NPAS3: variants seen among roughly 807,000 people sequenced by gnomAD.
NPAS3 encodes the protein neuronal PAS domain-containing protein 3.
In NPAS3, 14 loss-of-function variants were observed where a neutral mutation model predicts 73.1. The ratio of observed to expected loss-of-function variants is 0.19; its 90% CI spans 0.13 to 0.30. NPAS3 has a LOEUF of 0.30. Among genes scored for constraint, NPAS3 ranks in the 10% least tolerant of loss-of-function variants. The pLI, the probability that NPAS3 is intolerant of heterozygous loss-of-function variation, is 1.00. For synonymous variants in NPAS3, 620 were observed against 541.5 expected (o/e 1.14, Z -2.01); for missense variants, 1,096 against 1,250.0 (o/e 0.88, Z 1.86).
At chr14:33,587,484 A>G (rs369931291) in intron 5 of NPAS3, among the ~76,000 whole-genome samples, 29 of 152,296 alleles carry the variant, frequency 1.9e-4, no homozygotes, top group Admixed American at 1.2e-3. Context: ...TGCTTCATCT[A>G]TAACATGGGA....
intron 4 of NPAS3, among the ~76,000 whole-genome samples, chr14:33,379,467 C>T (rs2046447266): frequency 6.6e-6 from 1 of 152,096 alleles, no homozygotes; most frequent in Non-Finnish European, 1.5e-5. Context: ...AAATCTTTGC[C>T]AGATTACTGT....
chr14:33,025,814 C>T (rs940964324), intron 1 of NPAS3, among the ~76,000 whole-genome samples: 1 of 152,096 alleles, frequency 6.6e-6, no homozygotes, highest in African/African-American at 2.4e-5. Flanking sequence ...TTTCCTGAGG[C>T]CTCCCCAGAA....
chr14:32,973,958 G>A (rs1052713881), intron 1 of NPAS3, among the ~76,000 whole-genome samples: 4 of 152,170 alleles, frequency 2.6e-5, no homozygotes, highest in African/African-American at 9.7e-5. Context: ...TTCATTTTCT[G>A]TATAAAACTA....
At chr14:33,237,826 A>C (rs2048087381) in intron 3 of NPAS3, among the ~76,000 whole-genome samples, 1 of 151,898 alleles carries the variant, frequency 6.6e-6, no homozygotes, top group South Asian at 2.1e-4. Flanking sequence ...AAGTATATTA[A>C]AATATTTGAA....
At chr14:33,475,976 G>A (rs2051014154) in intron 4 of NPAS3, among the ~76,000 whole-genome samples, 2 of 152,192 alleles carry the variant, frequency 1.3e-5, no homozygotes, top group Admixed American at 1.3e-4. Context: ...CCCGTTTGAT[G>A]AGAAACTACG....
intron 1 of NPAS3, among the ~76,000 whole-genome samples, chr14:33,047,375 C>A (rs2040546211): frequency 6.6e-6 from 1 of 152,142 alleles, no homozygotes; most frequent in Non-Finnish European, 1.5e-5. Flanking sequence ...TGCTGCCATC[C>A]TTTCCTCCTC....
intron 4 of NPAS3, among the ~76,000 whole-genome samples, chr14:33,383,443 T>C (rs1055689560): frequency 6.6e-6 from 1 of 152,200 alleles, no homozygotes; most frequent in Admixed American, 6.5e-5. Context: ...AGAAGACATT[T>C]ACATGCTGGG....
chr14:33,621,543 A>G (rs1028621833), intron 5 of NPAS3, among the ~76,000 whole-genome samples: 5 of 152,188 alleles, frequency 3.3e-5, no homozygotes, highest in Admixed American at 2.0e-4. Context: ...AACTATCTCC[A>G]TACCCCCACT....
intron 5 of NPAS3, among the ~76,000 whole-genome samples, chr14:33,662,749 TTGTC>T (rs1379760818): frequency 1.6e-4 from 25 of 152,152 alleles, no homozygotes; most frequent in East Asian, 5.8e-4. Flanking sequence ...AGGTCTCTGT[TTGTC>T]TATTATTGGT....
chr14:33,020,955 C>T (rs10151102), intron 1 of NPAS3, among the ~76,000 whole-genome samples: 83,869 of 151,674 alleles, frequency 0.55, 24,373 homozygotes, highest in African/African-American at 0.75. Flanking sequence ...AGAGATGGGG[C>T]TTCATCATGT....
chr14:33,502,841 C>T (rs771038307), intron 4 of NPAS3, among the ~76,000 whole-genome samples: 15 of 151,914 alleles, frequency 9.9e-5, no homozygotes, highest in Non-Finnish European at 2.1e-4. Context: ...CTTACCAATC[C>T]GTCTCTGCAC....
At chr14:33,418,104 A>C (rs2048225163) in intron 4 of NPAS3, among the ~76,000 whole-genome samples, 2 of 151,892 alleles carry the variant, frequency 1.3e-5, no homozygotes, top group Admixed American at 6.6e-5. Context: ...AAGATGAACC[A>C]AGGAAGCTGA....
chr14:33,563,199 T>A (rs1315622646), intron 5 of NPAS3, among the ~76,000 whole-genome samples: 1 of 152,148 alleles, frequency 6.6e-6, no homozygotes, highest in East Asian at 1.9e-4. Flanking sequence ...TTTATTTTCT[T>A]TCAATGTGTA....
intron 4 of NPAS3, among the ~76,000 whole-genome samples, chr14:33,449,894 T>C (rs557338350): frequency 5.9e-5 from 9 of 152,186 alleles, no homozygotes; most frequent in Non-Finnish European, 1.0e-4. Flanking sequence ...ATATTATTGT[T>C]GAAATCTGCG....
chr14:33,708,989 C>T (rs1879937491), intron 6 of NPAS3, among the ~76,000 whole-genome samples: 1 of 152,170 alleles, frequency 6.6e-6, no homozygotes, highest in African/African-American at 2.4e-5. Flanking sequence ...AAATTGGCTT[C>T]ATTTGTAGGT....
At chr14:33,262,781 T>A (rs2049021224) in intron 3 of NPAS3, among the ~76,000 whole-genome samples, 1 of 152,216 alleles carries the variant, frequency 6.6e-6, no homozygotes, top group African/African-American at 2.4e-5. Context: ...AAAAATGATT[T>A]GAAAAAGTAA....
chr14:33,125,454 A>G (rs922702573), intron 2 of NPAS3, among the ~76,000 whole-genome samples: 1 of 152,084 alleles, frequency 6.6e-6, no homozygotes, highest in African/African-American at 2.4e-5. Context: ...TTTCCTGACA[A>G]TTCAGTTCAG....
chr14:32,999,371 C>T (rs1488778367), intron 1 of NPAS3, among the ~76,000 whole-genome samples: 11 of 152,020 alleles, frequency 7.2e-5, no homozygotes, highest in East Asian at 1.9e-4. Context: ...ATTGGCTAGG[C>T]GTGGTGGCAG....
intron 2 of NPAS3, among the ~76,000 whole-genome samples, chr14:33,147,760 CAA>C (rs1391588359): frequency 8.5e-6 from 1 of 117,524 alleles, no homozygotes; most frequent in Non-Finnish European, 1.7e-5. Context: ...TATATACACA[CAA>C]AAAAGTTTGG....
Sources: gnomAD v4.1 joint callset for allele counts (sites outside exome capture counted in the v4.1 genomes callset) on GRCh38, gnomAD v4.1.1 for gene constraint, MANE v1.5 for transcripts, NCBI Gene and HGNC (gene_info 2026-07-23, HGNC 2026-07-21) for gene names.